Variants in CNTNAP4 observed in about 807,000 individuals in gnomAD.
CNTNAP4 encodes the protein contactin-associated protein-like 4.
A neutral mutation model predicts 148.4 loss-of-function variants in CNTNAP4; 98 were observed. The ratio of observed to expected loss-of-function variants is 0.66; its 90% CI spans 0.56 to 0.78. The LOEUF (loss-of-function observed/expected upper bound fraction) is 0.78. Ranked by LOEUF, CNTNAP4 falls within the 30% of genes least tolerant of loss-of-function variation. CNTNAP4 has a pLI of 0.00. For synonymous variants in CNTNAP4, 730 were observed against 565.1 expected, an observed-to-expected ratio of 1.29 and a Z score of -4.14; for missense variants, 1,935 against 1,565.6, an observed-to-expected ratio of 1.24 and a Z score of -3.98.
chr16:76,410,336 A>G (rs1164309037), intron 3 of CNTNAP4, among the ~76,000 whole-genome samples: 1 of 151,800 alleles, frequency 6.6e-6, no homozygotes, highest in Admixed American at 6.6e-5. Flanking sequence ...ATATTTCCCA[A>G]ATTTCAGACA....
At chr16:76,320,241 T>A (rs28665922) in intron 2 of CNTNAP4, among the ~76,000 whole-genome samples, 48,245 of 151,848 alleles carry the variant, frequency 0.32, 8,045 homozygotes, top group Non-Finnish European at 0.35. Flanking sequence ...AAAGATTAGA[T>A]CTTGTAAACA....
chr16:76,344,763 C>A (rs1391084809), intron 2 of CNTNAP4, among the ~76,000 whole-genome samples: 3 of 152,220 alleles, frequency 2.0e-5, no homozygotes, highest in African/African-American at 4.8e-5. Context: ...AAATCCCTAG[C>A]CTCTGCTAGA....
chr16:76,546,332 A>C (rs2084731877), intron 21 of CNTNAP4, among the ~76,000 whole-genome samples: 1 of 152,190 alleles, frequency 6.6e-6, no homozygotes, highest in Non-Finnish European at 1.5e-5. Flanking sequence ...CAGGCAAGCA[A>C]GCGAAGCTTC....
intron 1 of CNTNAP4, among the ~76,000 whole-genome samples, chr16:76,296,449 G>T (rs747522593): frequency 6.6e-6 from 1 of 152,094 alleles, no homozygotes; most frequent in Non-Finnish European, 1.5e-5. Flanking sequence ...ATTTATCATT[G>T]GATGTGTAAA....
At position 76,370,286 on chromosome 16, in the gene CNTNAP4, A is replaced by C. The variant is rs1404349857; in HGVS notation, c.390+14775A>C. On this transcript the variant is annotated intron_variant, in intron 3 of 23. Coordinates refer to ENST00000611870, the MANE Select transcript of CNTNAP4 (RefSeq NM_033401.5). ...TGTCATCTAATCTGAGTGTATTCTG[A>C]CAGAAAAAAAAAAATCCTTAGTTCT... is the stretch of plus-strand genomic sequence containing the variant. Among the ~76,000 whole-genome samples, 90 of 150,252 alleles carry C rather than the reference A, an allele frequency of 6.0e-4. 1 individual carries two copies. The highest frequency in any genetic ancestry group is 5.9e-3 in the Admixed American group (90 of 15,238).
At chr16:76,431,065 G>T (rs9936061) in intron 4 of CNTNAP4, among the ~76,000 whole-genome samples, 10,296 of 152,182 alleles carry the variant, frequency 0.068, 1,119 homozygotes, top group African/African-American at 0.23. Flanking sequence ...TATTGTAGAA[G>T]GAGTATAGGG....
At chr16:76,372,138 A>ATTT (rs35343278) in intron 3 of CNTNAP4, among the ~76,000 whole-genome samples, 14,618 of 125,670 alleles carry the variant, frequency 0.12, 1,537 homozygotes, top group East Asian at 0.44. Flanking sequence ...TCCAGCCCAA[A>ATTT]TTTTTTTTTT....
intron 19 of CNTNAP4, 94 bp downstream of exon 19, chr16:76,538,434 C>G: frequency 1.0e-6 from 1 of 957,486 alleles, no homozygotes; most frequent in Non-Finnish European, 1.6e-6. Flanking sequence ...TCTCAAGCTA[C>G]AAACAGAAAA....
intron 2 of CNTNAP4, among the ~76,000 whole-genome samples, chr16:76,318,719 ATAAAT>A (rs1451512468): frequency 3.1e-4 from 46 of 148,936 alleles, no homozygotes; most frequent in Middle Eastern, 3.5e-3. Flanking sequence ...ATTAGAGAGA[ATAAAT>A]TAATTATTTT....
At chr16:76,374,316 G>A (rs2015186522) in intron 3 of CNTNAP4, among the ~76,000 whole-genome samples, 1 of 152,164 alleles carries the variant, frequency 6.6e-6, no homozygotes. Flanking sequence ...ATTTATTTTA[G>A]CGAGTTTGTG....
intron 3 of CNTNAP4, among the ~76,000 whole-genome samples, chr16:76,402,916 G>T (rs980615235): frequency 2.0e-5 from 3 of 152,068 alleles, no homozygotes; most frequent in Non-Finnish European, 4.4e-5. Context: ...TTTTGTATAA[G>T]TTAGGTTCTT....
intron 17 of CNTNAP4, among the ~76,000 whole-genome samples, chr16:76,526,879 G>A (rs2083755894): frequency 6.6e-6 from 1 of 151,938 alleles, no homozygotes; most frequent in African/African-American, 2.4e-5. Flanking sequence ...TTGATATGTT[G>A]CCTAGGCTGG....
intron 6 of CNTNAP4, 134 bp from the exon 7 acceptor site, chr16:76,449,580 TC>T: frequency 1.5e-6 from 1 of 648,030 alleles, no homozygotes. Context: ...TAAATCTATA[TC>T]TTAATTTTTG....
Position 76,449,927 on chromosome 16 carries a change from T to C in CNTNAP4, c.1071+69T>C, listed in dbSNP as rs557159341. On this transcript the variant is annotated intron_variant, in intron 7 of 23. Coordinates refer to ENST00000611870, the MANE Select transcript of CNTNAP4 (RefSeq NM_033401.5). ...TTTTCCACACAGTAAAATTCCTCCA[T>C]TTTAGGTTCCCATTTGACATGGGGT... 69 of 1,388,296 alleles carry C rather than the reference T, an allele frequency of 5.0e-5. No homozygotes were observed. In the East Asian group the frequency reaches 1.7e-3, roughly 35 times the overall value. 86.0% of individuals were successfully genotyped at this position (1,388,296 alleles called of 1,614,324 possible). A position where few individuals can be genotyped will look rare whatever the true frequency, so the allele number is the denominator to read the frequency against.
chr16:76,540,597 T>A, intron 20 of CNTNAP4, 106 bp from the exon 21 acceptor site: 2 of 709,018 alleles, frequency 2.8e-6, no homozygotes, highest in Non-Finnish European at 4.5e-6. Context: ...GGGGCCATGC[T>A]AACAACTGCT....
chr16:76,351,972 A>G (rs951266496), intron 2 of CNTNAP4, among the ~76,000 whole-genome samples: 1 of 152,214 alleles, frequency 6.6e-6, no homozygotes, highest in African/African-American at 2.4e-5. Context: ...CATATTCTCA[A>G]TTCCAGCTTT....
intron 2 of CNTNAP4, among the ~76,000 whole-genome samples, chr16:76,330,512 C>G (rs1164622526): frequency 6.6e-6 from 1 of 152,140 alleles, no homozygotes; most frequent in Non-Finnish European, 1.5e-5. Flanking sequence ...ATGCACTTGC[C>G]AATATCCAGC....
chr16:76,402,464 C>G (rs1342658847), intron 3 of CNTNAP4, among the ~76,000 whole-genome samples: 2 of 151,746 alleles, frequency 1.3e-5, no homozygotes, highest in African/African-American at 4.8e-5. Context: ...AGCTAGCAAC[C>G]TATCTTATCA....
chr16:76,409,426 A>G (rs1446681021), intron 3 of CNTNAP4, among the ~76,000 whole-genome samples: 1 of 151,988 alleles, frequency 6.6e-6, no homozygotes, highest in African/African-American at 2.4e-5. Context: ...AAAGTTATGT[A>G]TGCACCTTTA....
Sources: gnomAD v4.1 joint callset for allele counts (sites outside exome capture counted in the v4.1 genomes callset) on GRCh38, gnomAD v4.1.1 for gene constraint, MANE v1.5 for transcripts, NCBI Gene and HGNC (gene_info 2026-07-23, HGNC 2026-07-21) for gene names.